The following ROBO1 variants were observed in gnomAD, a reference collection of about 807,000 sequenced individuals.
ROBO1 encodes the protein roundabout homolog 1.
ROBO1 carries 149 observed loss-of-function variants against 195.9 expected under a neutral mutation model. The ratio of observed to expected loss-of-function variants is 0.76; its 90% CI spans 0.67 to 0.87. The LOEUF (loss-of-function observed/expected upper bound fraction) is 0.87. Among genes scored for constraint, ROBO1 ranks in the 40% least tolerant of loss-of-function variants. The probability of loss-of-function intolerance (pLI) is 0.00; values close to 1 mark genes in which losing one functional copy is unlikely to be tolerated. For missense variants in ROBO1, 1,933 were observed against 2,068.3 expected (o/e 0.93, Z 1.27); for synonymous variants, 816 against 733.2 (o/e 1.11, Z -1.82).
At chr3:78,775,131 T>C (rs2083471593) in intron 4 of ROBO1, among the ~76,000 whole-genome samples, 1 of 152,212 alleles carries the variant, frequency 6.6e-6, no homozygotes, top group African/African-American at 2.4e-5. Flanking sequence ...TTTGTACCCA[T>C]GACAAAACAA....
chr3:79,025,905 T>C (rs551611043), intron 3 of ROBO1, among the ~76,000 whole-genome samples: 1 of 152,284 alleles, frequency 6.6e-6, no homozygotes, highest in Admixed American at 6.5e-5. Flanking sequence ...GACTCGTGAC[T>C]GGAACACAGT....
intron 4 of ROBO1, among the ~76,000 whole-genome samples, chr3:78,830,732 T>C (rs914693618): frequency 2.0e-5 from 3 of 152,118 alleles, no homozygotes; most frequent in Non-Finnish European, 2.9e-5. Context: ...ATCTGTGAAT[T>C]AGTAGAGGCA....
At chr3:79,341,532 A>G (rs1201149598) in intron 2 of ROBO1, among the ~76,000 whole-genome samples, 4 of 151,410 alleles carry the variant, frequency 2.6e-5, no homozygotes, top group Non-Finnish European at 5.9e-5. Context: ...ATCGGGTGGG[A>G]GGTGTCTCAC....
At chr3:78,782,427 C>T (rs1214318727) in intron 4 of ROBO1, among the ~76,000 whole-genome samples, 2 of 152,024 alleles carry the variant, frequency 1.3e-5, no homozygotes, top group African/African-American at 4.8e-5. Flanking sequence ...GAACTCCTGG[C>T]CTCAAGTGAT....
At chr3:79,690,249 T>G (rs1947260355) in intron 1 of ROBO1, among the ~76,000 whole-genome samples, 1 of 151,924 alleles carries the variant, frequency 6.6e-6, no homozygotes, top group Non-Finnish European at 1.5e-5. Flanking sequence ...CACTGAGATG[T>G]GTGGTTTTCC....
intron 3 of ROBO1, among the ~76,000 whole-genome samples, chr3:78,969,838 T>C (rs753334853): frequency 2.0e-5 from 3 of 152,182 alleles, no homozygotes; most frequent in Non-Finnish European, 4.4e-5. Context: ...AAACAATAAT[T>C]GAAGAACCTG....
At chr3:79,748,206 A>T (rs1405483571) in intron 1 of ROBO1, among the ~76,000 whole-genome samples, 1 of 152,210 alleles carries the variant, frequency 6.6e-6, no homozygotes, top group Non-Finnish European at 1.5e-5. Context: ...AATGAATTCA[A>T]GAGACCATCA....
chr3:79,065,710 C>A (rs2078992674), intron 3 of ROBO1, among the ~76,000 whole-genome samples: 1 of 151,830 alleles, frequency 6.6e-6, no homozygotes, highest in Non-Finnish European at 1.5e-5. Context: ...GAATTCATAA[C>A]CATTTAAAAG....
At chr3:79,357,240 G>A (rs2035592234) in intron 2 of ROBO1, among the ~76,000 whole-genome samples, 1 of 152,124 alleles carries the variant, frequency 6.6e-6, no homozygotes, top group South Asian at 2.1e-4. Context: ...GCACATGCCT[G>A]AATGAAGTTA....
chr3:79,560,535 T>TTATATATATATATATATA (rs549034591), intron 2 of ROBO1, among the ~76,000 whole-genome samples: 1,531 of 114,588 alleles, frequency 0.013, 54 homozygotes, highest in African/African-American at 0.043. Flanking sequence ...ATAATAATAA[T>TTATATATATATATATATA]TATATATATA....
intron 3 of ROBO1, among the ~76,000 whole-genome samples, chr3:79,042,418 G>A (rs527824475): frequency 6.6e-5 from 10 of 152,182 alleles, no homozygotes; most frequent in South Asian, 2.1e-4. Flanking sequence ...GATGGCGGTC[G>A]CACAGCTGAC....
At chr3:79,234,695 T>C (rs2082377889) in intron 2 of ROBO1, among the ~76,000 whole-genome samples, 1 of 152,132 alleles carries the variant, frequency 6.6e-6, no homozygotes, top group African/African-American at 2.4e-5. Context: ...CTGAAGGACA[T>C]TATCCTAAGC....
chr3:79,016,427 A>G (rs999803176), intron 3 of ROBO1, among the ~76,000 whole-genome samples: 12 of 152,254 alleles, frequency 7.9e-5, no homozygotes, highest in African/African-American at 2.7e-4. Flanking sequence ...AAATTAAATT[A>G]GAAACAGAAA....
intron 1 of ROBO1, among the ~76,000 whole-genome samples, chr3:79,636,158 G>C (rs1560058270): frequency 6.6e-6 from 1 of 152,076 alleles, no homozygotes; most frequent in East Asian, 1.9e-4. Context: ...GATAATTTCA[G>C]TATAGAATAA....
intron 26 of ROBO1, among the ~76,000 whole-genome samples, chr3:78,626,650 T>C (rs138077848): frequency 6.6e-6 from 1 of 152,136 alleles, no homozygotes; most frequent in African/African-American, 2.4e-5. Context: ...ACAGCTTTTA[T>C]GTGGTAGAAA....
chr3:79,351,863 CAT>C (rs1253202343), intron 2 of ROBO1, among the ~76,000 whole-genome samples: 1 of 152,066 alleles, frequency 6.6e-6, no homozygotes, highest in African/African-American at 2.4e-5. Flanking sequence ...CCTTAACACA[CAT>C]GTCTGTACGA....
chr3:79,280,310 A>G (rs1340186220), intron 2 of ROBO1, among the ~76,000 whole-genome samples: 1 of 152,156 alleles, frequency 6.6e-6, no homozygotes, highest in Non-Finnish European at 1.5e-5. Context: ...ACTATACATT[A>G]TATGTTTTGA....
At chr3:78,879,536 AAAAG>A (rs772282778) in intron 4 of ROBO1, among the ~76,000 whole-genome samples, 1 of 151,970 alleles carries the variant, frequency 6.6e-6, no homozygotes, top group Non-Finnish European at 1.5e-5. Flanking sequence ...TTAAAAAAAA[AAAAG>A]AACTAAATAC....
At chr3:79,146,167 A>C (rs1051503797) in intron 2 of ROBO1, among the ~76,000 whole-genome samples, 1 of 151,964 alleles carries the variant, frequency 6.6e-6, no homozygotes, top group African/African-American at 2.4e-5. Flanking sequence ...GCAATCCTAA[A>C]TATACAAAGG....
Sources: allele counts gnomAD v4.1 joint callset (sites outside exome capture counted in the v4.1 genomes callset), GRCh38; gene constraint gnomAD v4.1.1; transcripts MANE v1.5; gene names NCBI Gene and HGNC (gene_info 2026-07-23, HGNC 2026-07-21).